Variants in LARGE1 observed in about 807,000 individuals in gnomAD.
LARGE1 encodes the protein LARGE xylosyl- and glucuronyltransferase 1.
In LARGE1, 43 loss-of-function variants were observed where a neutral mutation model predicts 87.6. That is an observed-to-expected ratio of 0.49 (90% CI 0.38 to 0.63). The LOEUF (loss-of-function observed/expected upper bound fraction) is 0.63, where lower values mean the gene tolerates loss of function less well. Among genes scored for constraint, LARGE1 ranks in the 30% least tolerant of loss-of-function variants. The pLI, the probability that LARGE1 is intolerant of heterozygous loss-of-function variation, is 0.00. For missense variants in LARGE1, 802 were observed against 1,000.2 expected (o/e 0.80, Z 2.67); for synonymous variants, 434 against 394.6 (o/e 1.10, Z -1.18).
chr22:33,135,835 A>G, the LARGE1 span, among the ~76,000 whole-genome samples: 40 of 150,624 alleles, frequency 2.7e-4, no homozygotes, highest in African/African-American at 9.0e-4. Flanking sequence ...GCAAGACTCC[A>G]TCTCAAAAAA....
At chr22:33,746,615 A>G (rs146222363) in intron 2 of LARGE1, among the ~76,000 whole-genome samples, 24 of 152,356 alleles carry the variant, frequency 1.6e-4, no homozygotes, top group African/African-American at 5.5e-4. Flanking sequence ...TCCACAGGAA[A>G]GTTCTAAAAA....
At chr22:33,148,302 G>C in the LARGE1 span, among the ~76,000 whole-genome samples, 847 of 152,284 alleles carry the variant, frequency 5.6e-3, 10 homozygotes, top group African/African-American at 0.02. Flanking sequence ...TTTTAACTTT[G>C]AGACTGTATT....
At chr22:33,208,081 T>C (rs1042919784) in intron 11 of LARGE1, among the ~76,000 whole-genome samples, 1 of 152,164 alleles carries the variant, frequency 6.6e-6, no homozygotes, top group Admixed American at 6.5e-5. Context: ...TTTTACAAAG[T>C]GGGATGCTTA....
chr22:33,846,145 G>A (rs1455196879), intron 1 of LARGE1, among the ~76,000 whole-genome samples: 1 of 152,224 alleles, frequency 6.6e-6, no homozygotes, highest in African/African-American at 2.4e-5. Flanking sequence ...GTCTTGAACA[G>A]ATCCAAGTTC....
intron 3 of LARGE1, among the ~76,000 whole-genome samples, chr22:33,648,731 T>A (rs1309016952): frequency 6.6e-6 from 1 of 152,214 alleles, no homozygotes; most frequent in Admixed American, 6.5e-5. Context: ...GCACTGGGCC[T>A]GGCATACAGT....
chr22:33,876,286 G>A (rs2064463218), intron 1 of LARGE1, among the ~76,000 whole-genome samples: 1 of 152,028 alleles, frequency 6.6e-6, no homozygotes, highest in African/African-American at 2.4e-5. Context: ...ATTGGGATTT[G>A]CTCAAAAGTG....
chr22:33,334,833 C>T (rs559086978), intron 10 of LARGE1, among the ~76,000 whole-genome samples: 67 of 152,352 alleles, frequency 4.4e-4, no homozygotes, highest in South Asian at 1.0e-3. Flanking sequence ...TAAGTTCAAC[C>T]CCCGTGAGCT....
At chr22:33,613,488 C>T (rs1237452681) in intron 4 of LARGE1, among the ~76,000 whole-genome samples, 1 of 152,188 alleles carries the variant, frequency 6.6e-6, no homozygotes. Context: ...TTCTACTACA[C>T]ACAAGTTTCT....
chr22:33,403,452 T>G (rs1044917858), intron 7 of LARGE1, among the ~76,000 whole-genome samples: 1 of 152,228 alleles, frequency 6.6e-6, no homozygotes, highest in Non-Finnish European at 1.5e-5. Context: ...TAGTGTCTCC[T>G]TATTTCCCAG....
chr22:33,430,929 GC>G (rs112599858), intron 7 of LARGE1, among the ~76,000 whole-genome samples: 34,146 of 151,934 alleles, frequency 0.22, 5,173 homozygotes, highest in African/African-American at 0.43. Context: ...AGCCTCCAGG[GC>G]AGGCTTCACT....
At chr22:33,619,939 G>A (rs1395229254) in intron 4 of LARGE1, among the ~76,000 whole-genome samples, 2 of 152,180 alleles carry the variant, frequency 1.3e-5, no homozygotes, top group African/African-American at 4.8e-5. Flanking sequence ...TGAGAAACAA[G>A]CCAAAGCTCC....
chr22:33,089,360 CTTCTT>C, the LARGE1 span, among the ~76,000 whole-genome samples: 7 of 75,762 alleles, frequency 9.2e-5, no homozygotes, highest in African/African-American at 3.4e-4. Context: ...TCTTCTTCTT[CTTCTT>C]CTTCTCCTTC....
At chr22:33,748,871 C>T (rs1374665142) in intron 2 of LARGE1, among the ~76,000 whole-genome samples, 1 of 152,176 alleles carries the variant, frequency 6.6e-6, no homozygotes, top group Non-Finnish European at 1.5e-5. Flanking sequence ...TTTCTAATGC[C>T]TGAAGAAGGC....
the LARGE1 span, among the ~76,000 whole-genome samples, chr22:33,118,432 C>T: frequency 1.3e-5 from 2 of 149,128 alleles, no homozygotes; most frequent in East Asian, 2.0e-4. Context: ...GTCAAGGCTG[C>T]AGTGAGCCAT....
chr22:33,445,921 A>T (rs1456084873), intron 6 of LARGE1, among the ~76,000 whole-genome samples: 3 of 151,554 alleles, frequency 2.0e-5, no homozygotes, highest in Non-Finnish European at 4.4e-5. Flanking sequence ...AAGTGCTGGG[A>T]TTACAGGCGT....
intron 14 of LARGE1, among the ~76,000 whole-genome samples, 185 bp downstream of exon 14, chr22:33,276,875 C>G (rs1929407595): frequency 6.6e-6 from 1 of 152,186 alleles, no homozygotes; most frequent in South Asian, 2.1e-4. Context: ...CAACTCTCAC[C>G]CAAGGGTTGA....
rs117480205 is a variant in LARGE1, at chr22:33,432,613, A to C, written c.788-348T>G. On this transcript the variant is annotated intron_variant, in intron 6 of 14. Coordinates refer to ENST00000397394, the MANE Select transcript of LARGE1 (RefSeq NM_133642.5). ...CATTCATTCATGCATGCATGCATGC[A>C]TTTCTTTCCTAACTCATGGAGCACA... 5.3e-5 allele frequency among the ~76,000 whole-genome samples: 8 copies of C among 152,142 alleles called. No individual in the cohort carries two copies. The East Asian group carries it at 1.5e-3, about 29-fold the overall frequency.
intron 11 of LARGE1, among the ~76,000 whole-genome samples, chr22:33,206,963 T>A (rs1441440872): frequency 6.6e-6 from 1 of 152,334 alleles, no homozygotes. Flanking sequence ...ATTCAAAGCA[T>A]TTCCCCTCTC....
chr22:33,559,194 T>A (rs1306642475), intron 6 of LARGE1, among the ~76,000 whole-genome samples: 1 of 152,218 alleles, frequency 6.6e-6, no homozygotes, highest in Non-Finnish European at 1.5e-5. Flanking sequence ...GTACACCTTT[T>A]TTTTGAGACG....
Sources: gnomAD v4.1 joint callset for allele counts (sites outside exome capture counted in the v4.1 genomes callset) on GRCh38, gnomAD v4.1.1 for gene constraint, MANE v1.5 for transcripts, NCBI Gene and HGNC (gene_info 2026-07-23, HGNC 2026-07-21) for gene names.